ZNF578: variants seen among roughly 807,000 people sequenced by gnomAD.
ZNF578 encodes Putative chemokine-related protein B42.
In ZNF578, 8 loss-of-function variants were observed where a neutral mutation model predicts 8.3. The observed-to-expected ratio is 0.96, with a 90% CI of 0.56 to 1.74. The LOEUF (loss-of-function observed/expected upper bound fraction) is 1.74, where lower values mean the gene tolerates loss of function less well. Among genes scored for constraint, ZNF578 ranks in the 40% most tolerant of loss-of-function variants. ZNF578 has a pLI of 0.00. For synonymous variants in ZNF578, 206 were observed against 232.2 expected, an observed-to-expected ratio of 0.89 and a Z score of 1.03; for missense variants, 726 against 707.5, an observed-to-expected ratio of 1.03 and a Z score of -0.30.
At chr19:52,463,191 G>A (rs966580175) in intron 2 of ZNF578, among the ~76,000 whole-genome samples, 2 of 152,192 alleles carry the variant, frequency 1.3e-5, no homozygotes, top group African/African-American at 4.8e-5. Flanking sequence ...CACTACAGTA[G>A]CCTGTCCATT....
intron 3 of ZNF578, among the ~76,000 whole-genome samples, chr19:52,493,419 A>G (rs539467453): frequency 6.6e-6 from 1 of 152,076 alleles, no homozygotes; most frequent in Non-Finnish European, 1.5e-5. Context: ...TTGACCCGGG[A>G]TATTCTTGCC....
At chr19:52,472,654 G>T (rs2059295653) in intron 2 of ZNF578, among the ~76,000 whole-genome samples, 1 of 152,102 alleles carries the variant, frequency 6.6e-6, no homozygotes, top group Non-Finnish European at 1.5e-5. Flanking sequence ...CTATTTTGAG[G>T]TTATTTGGTA....
chr19:52,459,745 G>A (rs1332860249), intron 2 of ZNF578, among the ~76,000 whole-genome samples: 1 of 21,472 alleles, frequency 4.7e-5, no homozygotes, highest in African/African-American at 1.2e-4. Context: ...GTGTGTGTGT[G>A]TGTGTGTATA....
intron 2 of ZNF578, among the ~76,000 whole-genome samples, chr19:52,488,630 C>T (rs1302944484): frequency 6.9e-6 from 1 of 144,912 alleles, no homozygotes; most frequent in Non-Finnish European, 1.5e-5. Flanking sequence ...ACAAAAATAC[C>T]AAAATTAGCC....
rs1448427693 is a variant in ZNF578 at position 52,513,005 on chromosome 19, C to G, written c.*851C>G. On this transcript the variant is annotated 3_prime_UTR_variant, in exon 6 of 6. Coordinates refer to ENST00000421239, the MANE Select transcript of ZNF578 (RefSeq NM_001099694.2). The stretch of plus-strand genomic sequence containing the variant: ...AACAAGCATGGCCAAGAGATGTGAG[C>G]CAGTTTTCCCAGCCTGTTTATTATT... Among the ~76,000 whole-genome samples the G allele has an allele frequency of 6.6e-6, 1 of 151,934 alleles. No homozygotes were observed. The highest frequency in any genetic ancestry group is 1.5e-5 in the Non-Finnish European group (1 of 67,992).
Position 52,502,652 on chromosome 19 carries a change from G to A in ZNF578, c.63+744G>A, listed in dbSNP as rs149766961. Among the ~76,000 whole-genome samples, 211 of 152,224 alleles carry A rather than the reference G, an allele frequency of 1.4e-3. 2 individuals carry two copies. In the East Asian group the frequency reaches 0.027, roughly 19 times the overall value. On this transcript the variant is annotated intron_variant, in intron 4 of 5. Coordinates refer to ENST00000421239, the MANE Select transcript of ZNF578 (RefSeq NM_001099694.2). ...CTTAGGAGACGGAGGCAGGAGAATC[G>A]CTTGAGCCCAGGAGGTGGAGGTTAC...
At chr19:52,487,756 AGTAGCT>A (rs2122867032) in intron 2 of ZNF578, among the ~76,000 whole-genome samples, 1 of 151,516 alleles carries the variant, frequency 6.6e-6, no homozygotes, top group East Asian at 2.0e-4. Context: ...CAGCCTTCTG[AGTAGCT>A]GGGACCACAG....
At chr19:52,508,818 G>A (rs1195115970) in intron 5 of ZNF578, among the ~76,000 whole-genome samples, 1 of 147,230 alleles carries the variant, frequency 6.8e-6, no homozygotes, top group African/African-American at 2.5e-5. Flanking sequence ...AAAGAAATCT[G>A]ATAATCGCTT....
chr19:52,486,351 A>C (rs558215870), intron 2 of ZNF578, among the ~76,000 whole-genome samples: 5 of 152,290 alleles, frequency 3.3e-5, no homozygotes, highest in Admixed American at 1.3e-4. Flanking sequence ...CTCAGAGACC[A>C]GTGCCGTCGT....
intron 2 of ZNF578, among the ~76,000 whole-genome samples, chr19:52,468,785 C>A (rs568443128): frequency 6.6e-6 from 1 of 152,232 alleles, no homozygotes; most frequent in East Asian, 1.9e-4. Flanking sequence ...CTTGCTGAGT[C>A]TTCTGGTTCT....
intron 2 of ZNF578, among the ~76,000 whole-genome samples, chr19:52,485,659 G>A (rs564641902): frequency 1.3e-5 from 2 of 152,318 alleles, no homozygotes; most frequent in African/African-American, 2.4e-5. Flanking sequence ...CTGTTAATCT[G>A]TAACCATACC....
chr19:52,467,618 TAAAAAAGAAA>T, intron 2 of ZNF578, among the ~76,000 whole-genome samples: 1 of 149,848 alleles, frequency 6.7e-6, no homozygotes, highest in South Asian at 2.1e-4. Flanking sequence ...CCCCAGCTCT[TAAAAAAGAAA>T]AAAAAAGAAA....
intron 2 of ZNF578, chr19:52,474,634 C>A: frequency 3.0e-6 from 1 of 330,428 alleles, no homozygotes. Flanking sequence ...ACACTCATTA[C>A]ATTTGTAAGG....
intron 2 of ZNF578, among the ~76,000 whole-genome samples, chr19:52,488,106 C>G (rs1185059953): frequency 6.6e-6 from 1 of 152,026 alleles, no homozygotes; most frequent in African/African-American, 2.4e-5. Flanking sequence ...CTTGCACCAC[C>G]CCACCCAGCT....
intron 3 of ZNF578, among the ~76,000 whole-genome samples, chr19:52,495,992 TTCC>T (rs1217739704): frequency 2.0e-5 from 3 of 152,078 alleles, no homozygotes; most frequent in Admixed American, 6.6e-5. Flanking sequence ...TTTTTTCTAG[TTCC>T]TCCTCATTTA....
At chr19:52,484,761 A>C (rs1599896650) in intron 2 of ZNF578, among the ~76,000 whole-genome samples, 8 of 137,070 alleles carry the variant, frequency 5.8e-5, no homozygotes, top group Non-Finnish European at 6.3e-5. Context: ...TGTGACCCCC[A>C]CTCTGCCCGC....
At position 52,484,353 on chromosome 19, in the gene ZNF578, AG is replaced by A. The variant is rs1346413607; in HGVS notation, c.-121-6969del. 6.6e-5 allele frequency among the ~76,000 whole-genome samples: 10 copies of A among 152,318 alleles called. No individual in the cohort carries two copies. In the East Asian group the frequency reaches 1.9e-3, roughly 29 times the overall value. On this transcript the variant is annotated intron_variant, in intron 2 of 5. Transcript: ENST00000421239. Reference sequence around the variant, plus strand: ...CCTTCCTCTTATCTCAACTGCAAAGAGGCCTTCCTTCCTCTTTCACTAATCC... The same window carrying A: ...CCTTCCTCTTATCTCAACTGCAAAGAGCCTTCCTTCCTCTTTCACTAATCC...
chr19:52,509,203 G>A (rs1181860687), intron 5 of ZNF578, among the ~76,000 whole-genome samples: 2 of 151,876 alleles, frequency 1.3e-5, no homozygotes, highest in Admixed American at 1.3e-4. Context: ...GTGCCCAGCC[G>A]TTAGTCAGTT....
At chr19:52,488,219 G>A (rs576446747) in intron 2 of ZNF578, among the ~76,000 whole-genome samples, 4 of 152,122 alleles carry the variant, frequency 2.6e-5, no homozygotes, top group African/African-American at 9.6e-5. Context: ...CCAAAGTGCT[G>A]GGATTACAGG....
Sources: allele counts gnomAD v4.1 joint callset (sites outside exome capture counted in the v4.1 genomes callset), GRCh38; gene constraint gnomAD v4.1.1; transcripts MANE v1.5; gene names NCBI Gene and HGNC (gene_info 2026-07-23, HGNC 2026-07-21).